ZNF483: variants seen among roughly 807,000 people sequenced by gnomAD.
ZNF483 encodes the protein zinc finger protein HIT-10.
Under a neutral mutation model 28.6 loss-of-function variants are expected in ZNF483, and 9 were observed. The observed-to-expected ratio is 0.32, with a 90% CI of 0.19 to 0.55. The LOEUF (loss-of-function observed/expected upper bound fraction) is 0.55, where lower values mean the gene tolerates loss of function less well. Ranked by LOEUF, ZNF483 falls within the 20% of genes least tolerant of loss-of-function variation. The pLI, the probability that ZNF483 is intolerant of heterozygous loss-of-function variation, is 0.93. For synonymous variants in ZNF483, 322 were observed against 306.2 expected, an observed-to-expected ratio of 1.05 and a Z score of -0.54; for missense variants, 675 against 871.7, an observed-to-expected ratio of 0.77 and a Z score of 2.84.
intron 3 of ZNF483, 88 bp from the exon 4 acceptor site, chr9:111,533,651 A>G: frequency 1.5e-6 from 2 of 1,355,576 alleles, no homozygotes. Context: ...CACGGGCGAC[A>G]GAGCCATAAT....
Position 111,543,006 on chromosome 9 carries a change from T to A in ZNF483, c.2071T>A (p.Tyr691Asn). 1.9e-6 allele frequency: 3 copies of A among 1,614,198 alleles called. No homozygotes were observed. Among genetic ancestry groups the A allele is most frequent in the Non-Finnish European group, 2.5e-6 (3 of 1,180,026 alleles). The stretch of plus-strand genomic sequence containing the variant: ...CCGAATTCATACAGGAGAGAAACCC[T>A]ATGAGTGTAACTATTGTGGTGCAAC... Reference protein sequence around the residue: ...HHRIHTGEKPYECNYCGATFS... With the variant: ...HHRIHTGEKPNECNYCGATFS... The change falls in exon 6 of 6, where the codon TAT becomes AAT. Residue 691 changes from tyrosine (Y) to asparagine (N), a missense_variant. This residue lies in a region of ZNF483 where 55 missense variants were observed against 72.4 expected (regional missense o/e 0.76). Coordinates refer to ENST00000309235, the MANE Select transcript of ZNF483 (RefSeq NM_133464.5).
At chr9:111,564,548 C>T (rs942658648) in intron 5 of ZNF483, among the ~76,000 whole-genome samples, 8 of 151,596 alleles carry the variant, frequency 5.3e-5, no homozygotes, top group African/African-American at 1.9e-4. Flanking sequence ...TCAAGTGATC[C>T]GCCCACCTCA....
chr9:111,528,080 C>T, intron 2 of ZNF483: 1 of 1,340,628 alleles, frequency 7.5e-7, no homozygotes, highest in Non-Finnish European at 9.8e-7. Context: ...ATGGTGGATG[C>T]TCAAGAAATA....
chr9:111,563,030 G>C, intron 5 of ZNF483: 1 of 1,501,580 alleles, frequency 6.7e-7, no homozygotes. Flanking sequence ...TATTTCTTAA[G>C]ACATTTAAGG....
Position 111,533,768 on chromosome 9 carries a change from GA to G in ZNF483, c.533del (p.Asn178ThrfsTer29). On this transcript the variant is annotated frameshift_variant, in exon 4 of 6. Coordinates refer to ENST00000309235, the MANE Select transcript of ZNF483 (RefSeq NM_133464.5). LOFTEE classifies it high-confidence loss of function. ...CTATAACATTGAAGGATGTAGCTGT[GA>G]ACTTTTCAAGAGGAGAGTGGAAGAA... ...ESITLKDVAV[N>X]FSRGEWKKLE... is the part of the protein sequence containing the mutation. 6.3e-7 allele frequency: 1 copy of G among 1,586,140 alleles called. No homozygotes were observed. The highest frequency in any genetic ancestry group is 8.5e-7 in the Non-Finnish European group (1 of 1,172,084).
At chr9:111,560,154 TG>T (rs996216324), downstream of ZNF483, among the ~76,000 whole-genome samples, 2 of 151,930 alleles carry the variant, frequency 1.3e-5, no homozygotes, top group African/African-American at 4.8e-5. Context: ...GAGACCAGCC[TG>T]GCCAACATGG....
At position 111,555,240 on chromosome 9, in the gene ZNF483, C is replaced by A. The variant is rs1440882973; in HGVS notation, c.*12070C>A. 6.6e-6 allele frequency among the ~76,000 whole-genome samples: 1 copy of A among 152,128 alleles called. No individual in the cohort carries two copies. Among genetic ancestry groups the A allele is most frequent in the South Asian group, 2.1e-4 (1 of 4,816 alleles). On this transcript the variant is annotated 3_prime_UTR_variant, in exon 6 of 6. Coordinates refer to ENST00000309235, the MANE Select transcript of ZNF483 (RefSeq NM_133464.5). The stretch of plus-strand genomic sequence containing the variant: ...TGGCAAAAGATAATGCCTCTCATTT[C>A]CTGTGGGAATTGTGGTGAATTGATA...
chr9:111,530,813 A>G (rs541716023), intron 2 of ZNF483, 62 bp from the exon 3 acceptor site: 24 of 173,354 alleles, frequency 1.4e-4, no homozygotes, highest in Non-Finnish European at 2.3e-4. Flanking sequence ...ATATATATAT[A>G]TAAGATTTTT....
Position 111,553,797 on chromosome 9 carries a change from T to C in ZNF483, c.*10627T>C, listed in dbSNP as rs12341420. On this transcript the variant is annotated 3_prime_UTR_variant, in exon 6 of 6. Transcript: ENST00000309235. ...CACTGTGTGGATTTCCATTTCTCAC[T>C]AGCCTCAAGTGACTACCATATTAAG... is the stretch of plus-strand genomic sequence containing the variant. Among the ~76,000 whole-genome samples, 51,336 of 152,176 alleles carry C rather than the reference T, an allele frequency of 0.34. 9,449 individuals carry two copies. Among genetic ancestry groups the C allele is most frequent in the Non-Finnish European group, 0.42 (28,722 of 67,978 alleles).
intron 1 of ZNF483, among the ~76,000 whole-genome samples, chr9:111,525,719 C>G (rs1030007994): frequency 6.6e-6 from 1 of 152,080 alleles, no homozygotes; most frequent in East Asian, 1.9e-4. Flanking sequence ...CACCGGGCCT[C>G]CTATGTAAAC....
In ZNF483 at chr9:111,543,637, A is replaced by G. The variant is rs1428718717; in HGVS notation, c.*467A>G. The G allele has an allele frequency of 4.1e-6, 4 of 985,546 alleles. No homozygotes were observed. The highest frequency in any genetic ancestry group is 9.4e-5 in the South Asian group (2 of 21,282). The allele number at this position is 985,546 out of a possible 1,614,324, so 61.1% of individuals were successfully genotyped here. ...TGATTTTTGCCTTTTTTGGTTTTTT[A>G]GTTTTTTATTGGTATCCTGATAATC... On this transcript the variant is annotated 3_prime_UTR_variant, in exon 6 of 6. Transcript: ENST00000309235.
chr9:111,528,343 A>T (rs763738676), intron 2 of ZNF483, among the ~76,000 whole-genome samples: 7 of 152,274 alleles, frequency 4.6e-5, no homozygotes, highest in Non-Finnish European at 1.0e-4. Context: ...AAATAGCCAC[A>T]TGCGACTAGT....
At chr9:111,573,937 T>A (rs1419056751) in intron 5 of ZNF483, among the ~76,000 whole-genome samples, 1 of 152,148 alleles carries the variant, frequency 6.6e-6, no homozygotes, top group Non-Finnish European at 1.5e-5. Context: ...AATCAAGGAA[T>A]GGAGGGAAGC....
intron 3 of ZNF483, 54 bp from the exon 4 acceptor site, chr9:111,533,685 A>G: frequency 1.3e-6 from 2 of 1,499,822 alleles, no homozygotes; most frequent in Non-Finnish European, 1.8e-6. Context: ...AAAAAAAAGT[A>G]CTTAGGTTCT....
chr9:111,570,078 C>T lies in ZNF483; in HGVS notation c.722-6287C>T, dbSNP rs200440887. 2.3e-4 allele frequency: 364 copies of T among 1,613,876 alleles called. 1 individual carries two copies. In the Middle Eastern group the frequency reaches 3.8e-3, roughly 17 times the overall value. On this transcript the variant is annotated intron_variant, in intron 5 of 5. Transcript: ENST00000358151. ...AGTGTACAATTGGAAGGGGTGGCTC[C>T]GGAGCTCCTTACCTCTAAGACCCAT...
chr9:111,558,363 G>A (rs1828183622), downstream of ZNF483, among the ~76,000 whole-genome samples: 1 of 151,954 alleles, frequency 6.6e-6, no homozygotes. Context: ...TATTCTTTGA[G>A]CACTTCTTTG....
Position 111,543,989 on chromosome 9 carries a change from T to TG in ZNF483, c.*819_*820insG, listed in dbSNP as rs1299463700. The stretch of plus-strand genomic sequence containing the variant: ...TTTGAAAACTTCGTGCAGGAATCCC[T>TG]CAAATGCTGTAACTAGGAATGGGTC... On this transcript the variant is annotated 3_prime_UTR_variant, in exon 6 of 6. Transcript: ENST00000309235. 1.0e-6 allele frequency: 1 copy of TG among 985,276 alleles called. No individual in the cohort carries two copies. The highest frequency in any genetic ancestry group is 1.7e-5 in the African/African-American group (1 of 57,210). 61.0% of individuals were successfully genotyped at this position (985,276 alleles called of 1,614,324 possible).
Position 111,553,576 on chromosome 9 carries a change from C to G in ZNF483, c.*10406C>G, listed in dbSNP as rs1828035300. ...AAAAATCATCTGAACTCAAATCAAT[C>G]TGTTGATACTGACTAGATTGGTGAC... On this transcript the variant is annotated 3_prime_UTR_variant, in exon 6 of 6. Transcript: ENST00000309235. Among the ~76,000 whole-genome samples, 1 of 152,156 alleles carries G rather than the reference C, an allele frequency of 6.6e-6. No individual in the cohort carries two copies. The highest frequency in any genetic ancestry group is 2.4e-5 in the African/African-American group (1 of 41,420).
In ZNF483 at chr9:111,533,745, A is replaced by G. The variant is rs150435163; in HGVS notation, c.508A>G (p.Ile170Val). Residue 170 changes from isoleucine (I) to valine (V), a missense_variant, in exon 4 of 6, where the codon ATA becomes GTA. Transcript: ENST00000309235. The part of the protein sequence containing the change: ...VCPNTESCES[I>V]TLKDVAVNFS... ...GAGCTGTTTGGTGTTCTAGGAATCT[A>G]TAACATTGAAGGATGTAGCTGTGAA... 130 of 1,563,986 alleles carry G rather than the reference A, an allele frequency of 8.3e-5. 1 individual carries two copies. In the African/African-American group the frequency reaches 1.7e-3, roughly 20 times the overall value.
Sources: allele counts gnomAD v4.1 joint callset (sites outside exome capture counted in the v4.1 genomes callset), GRCh38; gene constraint gnomAD v4.1.1; regional missense constraint gnomAD v4.1.1; transcripts MANE v1.5; gene names NCBI Gene and HGNC (gene_info 2026-07-23, HGNC 2026-07-21).